GPR108: variants seen among roughly 807,000 people sequenced by gnomAD.
The protein encoded by GPR108 is protein GPR108.
Under a neutral mutation model 74.3 loss-of-function variants are expected in GPR108, and 60 were observed. The ratio of observed to expected loss-of-function variants is 0.81; its 90% CI spans 0.66 to 1.00. The LOEUF is 1.00. Among genes scored for constraint, GPR108 ranks in the 50% least tolerant of loss-of-function variants. The pLI is 0.00. For synonymous variants in GPR108, 311 were observed against 292.4 expected (o/e 1.06, Z -0.65); for missense variants, 667 against 703.3 (o/e 0.95, Z 0.58).
At position 6,735,748 on chromosome 19, in the gene GPR108, C is replaced by G. The variant is rs375712493; in HGVS notation, c.292-44G>C. On this transcript the variant is annotated intron_variant, in intron 3 of 17. Transcript: ENST00000264080. ...GGAGTGAGTCTTGGTTACTCCTCTCCTGGTCCAGCTCCACCCTGTCTCCCT... is the reference window on the plus strand; with the variant it reads ...GGAGTGAGTCTTGGTTACTCCTCTCGTGGTCCAGCTCCACCCTGTCTCCCT... The G allele has an allele frequency of 5.0e-6, 8 of 1,588,290 alleles. No individual in the cohort carries two copies. The African/African-American group carries it at 1.1e-4, about 21-fold the overall frequency.
In GPR108 at chr19:6,735,909, G is replaced by A. The variant is rs1968616557; in HGVS notation, c.290C>T (p.Ser97Leu). 1 of 1,611,506 alleles carries A rather than the reference G, an allele frequency of 6.2e-7. No individual in the cohort carries two copies. The highest frequency in any genetic ancestry group is 8.5e-7 in the Non-Finnish European group (1 of 1,178,750). Residue 97 changes from serine to leucine, a missense_variant and splice_region_variant, in exon 3 of 18, where the codon TCA becomes TTA. Coordinates refer to ENST00000264080, the MANE Select transcript of GPR108 (RefSeq NM_001080452.2). ...GTCTTCCCCATGCCCTCCACTCACT[G>A]AATAGGAGCGAACTCTGCCAGACCG... is the stretch of plus-strand genomic sequence containing the variant. ...RVRSGRVRSYSTRDFQDCPLQ... is the reference protein window; with the variant it reads ...RVRSGRVRSYLTRDFQDCPLQ...
rs771574245 is a variant in GPR108 at position 6,732,498 on chromosome 19, C to A, written c.985G>T (p.Val329Phe). 6.2e-7 allele frequency: 1 copy of A among 1,613,762 alleles called. No individual in the cohort carries two copies. Among genetic ancestry groups the A allele is most frequent in the East Asian group, 2.2e-5 (1 of 44,860 alleles). ...CACAGGTGTGCGATGTAGTACATGA[C>A]GGCAAGGCCTTCGATGGGGTGGCCC... ...SQGHPIEGLAVMYYIAHLLKG... is the reference protein window; with the variant it reads ...SQGHPIEGLAFMYYIAHLLKG... Residue 329 changes from valine (V) to phenylalanine (F), a missense_variant, in exon 11 of 18, where the codon GTC becomes TTC. Val to Phe is a conservative substitution (Grantham distance 50, BLOSUM62 -1). Coordinates refer to ENST00000264080, the MANE Select transcript of GPR108 (RefSeq NM_001080452.2).
At chr19:6,733,804 T>TCAG in intron 7 of GPR108, 41 bp downstream of exon 7, 1 of 1,610,440 alleles carries the variant, frequency 6.2e-7, no homozygotes, top group Admixed American at 1.7e-5. Flanking sequence ...GGTCCCGTGC[T>TCAG]CTGGGGTGAC....
intron 2 of GPR108, 98 bp downstream of exon 2, chr19:6,736,494 G>C: frequency 1.6e-6 from 2 of 1,224,512 alleles, no homozygotes; most frequent in Non-Finnish European, 2.3e-6. Context: ...GAGATGACGG[G>C]ACTTGTACAA....
At position 6,734,309 on chromosome 19, in the gene GPR108, T is replaced by A; in HGVS notation, c.375-2A>T. On this transcript the variant is annotated splice_acceptor_variant, in intron 4 of 17. Coordinates refer to ENST00000264080, the MANE Select transcript of GPR108 (RefSeq NM_001080452.2). LOFTEE classifies it high-confidence loss of function. ...TCTCCATACTTCCGCACCTGGACCC[T>A]GGGGTGAGGGTGGGGTGGGGCATGA... The A allele has an allele frequency of 6.2e-7, 1 of 1,601,904 alleles. No homozygotes were observed. The highest frequency in any genetic ancestry group is 8.5e-7 in the Non-Finnish European group (1 of 1,172,650).
chr19:6,730,592 C>A, intron 17 of GPR108: 1 of 584,352 alleles, frequency 1.7e-6, no homozygotes, highest in Non-Finnish European at 3.1e-6. Context: ...CTAGGCCCCG[C>A]CCCCAGCAGC....
chr19:6,735,360 G>A (rs1357624875), intron 4 of GPR108: 4 of 414,310 alleles, frequency 9.7e-6, no homozygotes, highest in Admixed American at 4.1e-5. Flanking sequence ...CCGGGACACC[G>A]GAAGCACTCA....
rs1968320265 is a variant in GPR108, at chr19:6,730,051, G to A, written c.*261C>T. ...CCAACCCCCAAAAAGGCAAGACAAC[G>A]GCGTAGCCAAACAGATTGGTCATTA... On this transcript the variant is annotated 3_prime_UTR_variant, in exon 18 of 18. Coordinates refer to ENST00000264080, the MANE Select transcript of GPR108 (RefSeq NM_001080452.2). 6.0e-6 allele frequency: 3 copies of A among 503,742 alleles called. No individual in the cohort carries two copies. The Admixed American group carries it at 1.0e-4, about 17-fold the overall frequency. The allele number at this position is 503,742 out of a possible 1,614,324, so 31.2% of individuals were successfully genotyped here.
At chr19:6,731,364 G>A in intron 15 of GPR108, 82 bp from the exon 16 acceptor site, 1 of 1,495,444 alleles carries the variant, frequency 6.7e-7, no homozygotes, top group East Asian at 2.3e-5. Context: ...CTGCGGGCTG[G>A]GGAGCCTGGA....
Position 6,736,617 on chromosome 19 carries a change from C to T in GPR108, c.215G>A (p.Arg72Gln), listed in dbSNP as rs989740470. The change falls in exon 2 of 18, where the codon CGG (arginine) becomes CAG (glutamine). Residue 72 changes from arginine to glutamine, a missense_variant. By Grantham distance (43) the Arg-to-Gln change is conservative. Transcript: ENST00000264080. Reference protein sequence around the residue: ...VELSVLRLGLREAEEKSLLVG... With the variant: ...VELSVLRLGLQEAEEKSLLVG... Reference sequence around the variant, plus strand: ...CAGCAGGGACTTCTCTTCTGCCTCCCGGAGGCCCAGCCGCAGGACGCTCAA... The same window carrying T: ...CAGCAGGGACTTCTCTTCTGCCTCCTGGAGGCCCAGCCGCAGGACGCTCAA... The T allele has an allele frequency of 3.1e-6, 5 of 1,613,880 alleles. No individual in the cohort carries two copies. Among genetic ancestry groups the T allele is most frequent in the Non-Finnish European group, 4.2e-6 (5 of 1,179,988 alleles).
chr19:6,734,422 C>T, intron 4 of GPR108, 115 bp from the exon 5 acceptor site: 1 of 979,986 alleles, frequency 1.0e-6, no homozygotes, highest in Non-Finnish European at 1.5e-6. Flanking sequence ...GGGGCGGGGT[C>T]CAGTCGAGTC....
At chr19:6,736,772 G>T (rs760470524) in intron 1 of GPR108, 61 bp from the exon 2 acceptor site, 13 of 1,609,396 alleles carry the variant, frequency 8.1e-6, no homozygotes, top group Admixed American at 1.7e-5. Context: ...CAGCCCCAGG[G>T]GTCTGGCACG....
chr19:6,734,475 AG>A (rs1470362080), intron 4 of GPR108, among the ~76,000 whole-genome samples, 168 bp from the exon 5 acceptor site: 5 of 152,188 alleles, frequency 3.3e-5, no homozygotes, highest in African/African-American at 9.7e-5. Context: ...CCGGTCAAGG[AG>A]GCTGCCGCCT....
chr19:6,730,784 C>A (rs916275498), intron 17 of GPR108, among the ~76,000 whole-genome samples: 29 of 146,780 alleles, frequency 2.0e-4, no homozygotes, highest in African/African-American at 7.1e-4. Context: ...GCCTTAGGTA[C>A]TCCACAGCTG....
intron 8 of GPR108, 131 bp downstream of exon 8, chr19:6,733,439 C>G: frequency 7.7e-7 from 1 of 1,291,644 alleles, no homozygotes; most frequent in Non-Finnish European, 1.1e-6. Context: ...GGCCCCGTCT[C>G]TCAAATGGGT....
chr19:6,734,297 G>A lies in GPR108; in HGVS notation c.385C>T (p.Arg129Trp), dbSNP rs750699748. Residue 129 changes from arginine (R) to tryptophan (W), a missense_variant, in exon 5 of 18, where the codon CGG becomes TGG. Transcript: ENST00000264080. ...INTKDLQVQV[R>W]KYGEQKTLFI... ...AACGTCTTCTGCTCTCCATACTTCC[G>A]CACCTGGACCCTGGGGTGAGGGTGG... 10 of 1,613,248 alleles carry A rather than the reference G, an allele frequency of 6.2e-6. No homozygotes were observed. Among genetic ancestry groups the A allele is most frequent in the Admixed American group, 3.3e-5 (2 of 59,988 alleles).
At chr19:6,730,963 C>A in intron 17 of GPR108, 24 bp downstream of exon 17, 2 of 1,605,842 alleles carry the variant, frequency 1.2e-6, no homozygotes, top group Non-Finnish European at 1.7e-6. Flanking sequence ...GAGCCGCCGG[C>A]CCTGCCCATG....
intron 14 of GPR108, 126 bp from the exon 15 acceptor site, chr19:6,731,648 G>T: frequency 1.1e-6 from 1 of 901,840 alleles, no homozygotes; most frequent in Non-Finnish European, 1.7e-6. Context: ...CAAGTCTCGA[G>T]GGGACATTAG....
chr19:6,730,939 CT>C lies in GPR108; in HGVS notation c.1559+47del, dbSNP rs749861391. 4 of 1,601,550 alleles carry C rather than the reference CT, an allele frequency of 2.5e-6. No homozygotes were observed. The South Asian group carries it at 3.3e-5, about 13-fold the overall frequency. On this transcript the variant is annotated intron_variant, in intron 17 of 17. Coordinates refer to ENST00000264080, the MANE Select transcript of GPR108 (RefSeq NM_001080452.2). ...CCCTGCCCGTAGAGCTGCCCACCCC[CT>C]ACTCCACCCCCAGAGCCGCCGGCCC...
Sources: allele counts gnomAD v4.1 joint callset (sites outside exome capture counted in the v4.1 genomes callset), GRCh38; gene constraint gnomAD v4.1.1; transcripts MANE v1.5; gene names NCBI Gene and HGNC (gene_info 2026-07-23, HGNC 2026-07-21).